The following FGD4 variants were observed in gnomAD, a reference collection of about 807,000 sequenced individuals.
FGD4 encodes FYVE, RhoGEF and PH domain-containing protein 4.
A neutral mutation model predicts 102.0 loss-of-function variants in FGD4; 42 were observed. That is an observed-to-expected ratio of 0.41 (90% CI 0.32 to 0.53). FGD4 has a LOEUF of 0.53. FGD4 is among the 20% of genes least tolerant of loss of function. FGD4 has a pLI of 0.21. For missense variants in FGD4, 902 were observed against 1,078.2 expected (o/e 0.84, Z 2.29); for synonymous variants, 380 against 375.7 (o/e 1.01, Z -0.13).
intron 1 of FGD4, among the ~76,000 whole-genome samples, chr12:32,414,256 G>C (rs1186398937): frequency 6.6e-6 from 1 of 151,832 alleles, no homozygotes; most frequent in Admixed American, 6.6e-5. Context: ...ATAGGCGTGT[G>C]CCACCGCACC....
At chr12:32,552,837 G>T (rs1332417135) in intron 1 of FGD4, among the ~76,000 whole-genome samples, 1 of 151,288 alleles carries the variant, frequency 6.6e-6, no homozygotes, top group Non-Finnish European at 1.5e-5. Flanking sequence ...GAGTGCAATG[G>T]CGCGATCTTG....
At position 32,430,726 on chromosome 12, in the gene FGD4, T is replaced by G. The variant is rs190701668; in HGVS notation, c.166+30767T>G. Among the ~76,000 whole-genome samples, 11 of 152,342 alleles carry G rather than the reference T, an allele frequency of 7.2e-5. No homozygotes were observed. In the East Asian group the frequency reaches 2.1e-3, roughly 29 times the overall value. ...GAGAATTAGGTAAGCCTTTCCCCAC[T>G]CTTTTAACATCTTAGTATAATAAAA... On this transcript the variant is annotated intron_variant, in intron 1 of 16. Transcript: ENST00000534526.
rs1951164031 is a variant in FGD4 at position 32,641,709 on chromosome 12, G to T, written c.*1176G>T. ...AAGATAATCGAGCATGGTTAAATAA[G>T]GTCTCTATATAATGAACACTTAAGA... On this transcript the variant is annotated 3_prime_UTR_variant, in exon 17 of 17. Transcript: ENST00000534526. 1 of 152,048 alleles carries T rather than the reference G, an allele frequency of 6.6e-6. No homozygotes were observed. Among genetic ancestry groups the T allele is most frequent in the Admixed American group, 6.6e-5 (1 of 15,256 alleles). 9.4% of individuals were successfully genotyped at this position (152,048 alleles called of 1,614,324 possible).
chr12:32,522,417 C>T (rs1393439106), intron 1 of FGD4, among the ~76,000 whole-genome samples: 2 of 152,088 alleles, frequency 1.3e-5, no homozygotes, highest in East Asian at 1.9e-4. Context: ...GCAAGCTGTG[C>T]GTTAGGGTCT....
chr12:32,568,841 G>C (rs1410055666), intron 2 of FGD4, among the ~76,000 whole-genome samples: 1 of 151,966 alleles, frequency 6.6e-6, no homozygotes, highest in Admixed American at 6.5e-5. Context: ...CTGGCAATTG[G>C]TTTCTTTTCA....
intron 1 of FGD4, among the ~76,000 whole-genome samples, chr12:32,543,674 T>TG (rs1259428642): frequency 6.6e-6 from 1 of 152,232 alleles, no homozygotes; most frequent in African/African-American, 2.4e-5. Flanking sequence ...TTGCCCAGGC[T>TG]GGAGTGCAGT....
At chr12:32,453,978 C>T (rs1487430819) in intron 1 of FGD4, among the ~76,000 whole-genome samples, 1 of 151,958 alleles carries the variant, frequency 6.6e-6, no homozygotes, top group East Asian at 1.9e-4. Context: ...TGTAAGTGGA[C>T]TCTTGCCACC....
intron 1 of FGD4, among the ~76,000 whole-genome samples, chr12:32,525,665 G>A (rs1941072266): frequency 6.6e-6 from 1 of 152,244 alleles, no homozygotes; most frequent in Non-Finnish European, 1.5e-5. Context: ...TTGCAGGGAG[G>A]TGTGGAGGGA....
At chr12:32,447,142 TG>T (rs1942640837) in intron 1 of FGD4, among the ~76,000 whole-genome samples, 2 of 152,358 alleles carry the variant, frequency 1.3e-5, no homozygotes, top group Admixed American at 1.3e-4. Context: ...CTTTAAGGCA[TG>T]TCTCCTAGCT....
At chr12:32,496,187 C>T (rs576037202) in intron 1 of FGD4, among the ~76,000 whole-genome samples, 63 of 152,276 alleles carry the variant, frequency 4.1e-4, no homozygotes, top group Admixed American at 3.9e-3. Flanking sequence ...TGACCTAAAG[C>T]TATAGTTGTT....
intron 1 of FGD4, among the ~76,000 whole-genome samples, chr12:32,453,161 G>T (rs1456226141): frequency 1.5e-5 from 2 of 137,454 alleles, no homozygotes; most frequent in Non-Finnish European, 3.1e-5. Context: ...ACGTGTGTGT[G>T]TATATATATC....
rs1951326701 is a variant in FGD4 at position 32,644,771 on chromosome 12, A to G, written c.*4238A>G. On this transcript the variant is annotated 3_prime_UTR_variant, in exon 17 of 17. Coordinates refer to ENST00000534526, the MANE Select transcript of FGD4 (RefSeq NM_001370298.3). ...CATGCTGATGGGATCCATTGCACCC[A>G]GGTTTTTGACCTTGGCCTGTAAATG... 6.6e-6 allele frequency: 1 copy of G among 152,134 alleles called. No individual in the cohort carries two copies. The highest frequency in any genetic ancestry group is 1.5e-5 in the Non-Finnish European group (1 of 68,012). 9.4% of individuals were successfully genotyped at this position (152,134 alleles called of 1,614,324 possible).
At chr12:32,601,234 A>G in intron 5 of FGD4, 44 bp from the exon 6 acceptor site, 1 of 1,593,510 alleles carries the variant, frequency 6.3e-7, no homozygotes, top group Non-Finnish European at 8.6e-7. Flanking sequence ...CTAGGTGGTT[A>G]ACCAATAAAT....
rs577007035 is a variant in FGD4 at position 32,537,900 on chromosome 12, T to G, written c.167-26237T>G. On this transcript the variant is annotated intron_variant, in intron 1 of 16. Transcript: ENST00000534526. Reference sequence around the variant, plus strand: ...CGTTATAGCAGTTTTTTTGTTTGTTTGTTTTGTTTTGTTTTGAGACAGAGT... The same window carrying G: ...CGTTATAGCAGTTTTTTTGTTTGTTGGTTTTGTTTTGTTTTGAGACAGAGT... 2.0e-5 allele frequency among the ~76,000 whole-genome samples: 3 copies of G among 152,268 alleles called. No homozygotes were observed. In the East Asian group the frequency reaches 5.8e-4, roughly 29 times the overall value.
Position 32,459,937 on chromosome 12 carries a change from C to A in FGD4, c.166+59978C>A, listed in dbSNP as rs192544735. Among the ~76,000 whole-genome samples the A allele has an allele frequency of 1.2e-3, 180 of 152,038 alleles. 1 individual carries two copies. The highest frequency in any genetic ancestry group is 4.0e-3 in the African/African-American group (164 of 41,478). ...CCCAGGCTGGTCTCTAATTTCCTGA[C>A]TCAAGTGATCCCCCCACCTCAGCCT... On this transcript the variant is annotated intron_variant, in intron 1 of 16. Coordinates refer to ENST00000534526, the MANE Select transcript of FGD4 (RefSeq NM_001370298.3).
At chr12:32,589,319 G>A (rs559015437) in intron 4 of FGD4, among the ~76,000 whole-genome samples, 6 of 152,138 alleles carry the variant, frequency 3.9e-5, no homozygotes, top group Non-Finnish European at 7.4e-5. Flanking sequence ...TTCTCCCACT[G>A]TAGGATACAC....
At chr12:32,421,572 C>T (rs972115595) in intron 1 of FGD4, among the ~76,000 whole-genome samples, 1 of 152,240 alleles carries the variant, frequency 6.6e-6, no homozygotes, top group Middle Eastern at 3.4e-3. Context: ...TCTATCATAT[C>T]CCATTTCCAC....
chr12:32,525,636 C>G (rs1057462036), intron 1 of FGD4, among the ~76,000 whole-genome samples: 11 of 152,338 alleles, frequency 7.2e-5, no homozygotes, highest in Middle Eastern at 3.4e-3. Flanking sequence ...TGGCCAAGGC[C>G]GGAGCCCACT....
At chr12:32,446,319 T>C (rs1233209703) in intron 1 of FGD4, among the ~76,000 whole-genome samples, 1 of 152,094 alleles carries the variant, frequency 6.6e-6, no homozygotes, top group Non-Finnish European at 1.5e-5. Context: ...TCTGAGTGTT[T>C]GTGTCGCCCA....
Sources: allele counts gnomAD v4.1 joint callset (sites outside exome capture counted in the v4.1 genomes callset), GRCh38; gene constraint gnomAD v4.1.1; transcripts MANE v1.5; gene names NCBI Gene and HGNC (gene_info 2026-07-23, HGNC 2026-07-21).